TSHZ2: variants seen among roughly 807,000 people sequenced by gnomAD.
TSHZ2 encodes the protein teashirt homolog 2.
A neutral mutation model predicts 74.4 loss-of-function variants in TSHZ2; 21 were observed. The ratio of observed to expected loss-of-function variants is 0.28; its 90% CI spans 0.20 to 0.41. TSHZ2 has a LOEUF of 0.41. TSHZ2 is among the 10% of genes least tolerant of loss of function. TSHZ2 has a pLI of 1.00. For missense variants in TSHZ2, 1,244 were observed against 1,293.5 expected (o/e 0.96, Z 0.59); for synonymous variants, 540 against 515.3 (o/e 1.05, Z -0.65).
At chr20:53,141,673 T>C (rs1345064425) in intron 1 of TSHZ2, among the ~76,000 whole-genome samples, 1 of 152,186 alleles carries the variant, frequency 6.6e-6, no homozygotes, top group Non-Finnish European at 1.5e-5. Flanking sequence ...TTTGTCACCT[T>C]TCCTGCACCT....
intron 1 of TSHZ2, among the ~76,000 whole-genome samples, chr20:53,036,614 T>C (rs1600658681): frequency 6.7e-6 from 1 of 148,768 alleles, no homozygotes; most frequent in African/African-American, 2.4e-5. Flanking sequence ...TCATATATAA[T>C]ATAGAGAGGT....
intron 1 of TSHZ2, among the ~76,000 whole-genome samples, chr20:53,223,472 G>A (rs1421015604): frequency 6.6e-6 from 1 of 152,090 alleles, no homozygotes; most frequent in East Asian, 1.9e-4. Flanking sequence ...GCTCTCTGTA[G>A]CCTAGAGCTC....
rs185640293 is a variant in TSHZ2 at position 53,284,310 on chromosome 20, A to G, written c.*8+27739A>G. Among the ~76,000 whole-genome samples, 7 of 152,338 alleles carry G rather than the reference A, an allele frequency of 4.6e-5. No homozygotes were observed. In the East Asian group the frequency reaches 1.2e-3, roughly 25 times the overall value. On this transcript the variant is annotated intron_variant, in intron 2 of 2. Coordinates refer to ENST00000371497, the MANE Select transcript of TSHZ2 (RefSeq NM_173485.6). ...TTCGGCTGTCTGTTCGTGCATAGTTAATATTAAAAATGTACTAACAGTGTG... is the reference window on the plus strand; with the variant it reads ...TTCGGCTGTCTGTTCGTGCATAGTTGATATTAAAAATGTACTAACAGTGTG...
chr20:53,418,279 A>G (rs1213917939), intron 2 of TSHZ2, among the ~76,000 whole-genome samples: 5 of 152,198 alleles, frequency 3.3e-5, no homozygotes, highest in Non-Finnish European at 5.9e-5. Flanking sequence ...TGGGAAGGAA[A>G]GAAGCCTCTA....
intron 2 of TSHZ2, among the ~76,000 whole-genome samples, chr20:53,467,328 G>T (rs1985592633): frequency 6.6e-6 from 1 of 152,126 alleles, no homozygotes; most frequent in Non-Finnish European, 1.5e-5. Flanking sequence ...TAAATTTCCA[G>T]AAGGAAAGAG....
intron 1 of TSHZ2, among the ~76,000 whole-genome samples, chr20:53,005,259 G>A (rs1328556341): frequency 6.6e-6 from 1 of 152,098 alleles, no homozygotes; most frequent in African/African-American, 2.4e-5. Flanking sequence ...ATTGCCGTGA[G>A]CCAAGATCAC....
intron 1 of TSHZ2, among the ~76,000 whole-genome samples, chr20:53,097,136 A>G (rs1420511360): frequency 6.6e-6 from 1 of 152,052 alleles, no homozygotes; most frequent in Non-Finnish European, 1.5e-5. Flanking sequence ...ATATTGCCAA[A>G]CATCCCCTGG....
chr20:53,206,648 T>C (rs1296404139), intron 1 of TSHZ2: 1 of 152,184 alleles, frequency 6.6e-6, no homozygotes, highest in Admixed American at 6.5e-5. Context: ...ACTCCACGGG[T>C]AGTGGCAGTT....
At chr20:53,185,360 A>C in intron 1 of TSHZ2, 1 of 1,169,080 alleles carries the variant, frequency 8.6e-7, no homozygotes, top group Non-Finnish European at 1.1e-6. Context: ...TTTGCTCCAA[A>C]ATTGGTGATA....
chr20:53,080,153 C>A (rs1985487013), intron 1 of TSHZ2, among the ~76,000 whole-genome samples: 1 of 152,086 alleles, frequency 6.6e-6, no homozygotes, highest in African/African-American at 2.4e-5. Flanking sequence ...GCATAGAGAG[C>A]CTTATGTATG....
intron 1 of TSHZ2, among the ~76,000 whole-genome samples, chr20:53,003,824 C>T (rs952974384): frequency 2.0e-5 from 3 of 152,116 alleles, no homozygotes; most frequent in Non-Finnish European, 4.4e-5. Context: ...GATGTGCTGT[C>T]CATAGCAAAA....
At chr20:53,035,928 A>G (rs1568729738) in intron 1 of TSHZ2, among the ~76,000 whole-genome samples, 1 of 152,244 alleles carries the variant, frequency 6.6e-6, no homozygotes, top group South Asian at 2.1e-4. Flanking sequence ...TTTTTTATAC[A>G]TATTTGTTAG....
At chr20:53,182,008 G>C (rs1988480891) in intron 1 of TSHZ2, among the ~76,000 whole-genome samples, 3 of 152,126 alleles carry the variant, frequency 2.0e-5, no homozygotes, top group Admixed American at 2.0e-4. Flanking sequence ...TTTATTTGAT[G>C]ATCTTAGGAT....
At chr20:53,274,955 T>C (rs1990913547) in intron 2 of TSHZ2, among the ~76,000 whole-genome samples, 1 of 152,184 alleles carries the variant, frequency 6.6e-6, no homozygotes, top group Non-Finnish European at 1.5e-5. Flanking sequence ...ATAAGCTCTT[T>C]CTGGTCTTAC....
At chr20:53,030,247 C>T (rs942336895) in intron 1 of TSHZ2, among the ~76,000 whole-genome samples, 1 of 152,054 alleles carries the variant, frequency 6.6e-6, no homozygotes, top group Non-Finnish European at 1.5e-5. Flanking sequence ...CTGCCTCTTC[C>T]CTCCCACCTG....
At chr20:52,974,085 A>T (rs1981237487) in intron 1 of TSHZ2, among the ~76,000 whole-genome samples, 2 of 152,232 alleles carry the variant, frequency 1.3e-5, no homozygotes, top group Non-Finnish European at 2.9e-5. Flanking sequence ...CCCCTAAAAA[A>T]GATAAGAACA....
At chr20:53,145,960 A>G (rs1362680713) in intron 1 of TSHZ2, among the ~76,000 whole-genome samples, 2 of 152,172 alleles carry the variant, frequency 1.3e-5, no homozygotes, top group East Asian at 3.8e-4. Flanking sequence ...AGTTGGGGAA[A>G]ATCATGTTGG....
At chr20:53,075,816 AG>A (rs2123213462) in intron 1 of TSHZ2, among the ~76,000 whole-genome samples, 1 of 152,232 alleles carries the variant, frequency 6.6e-6, no homozygotes, top group East Asian at 1.9e-4. Context: ...GGTGGGAGCC[AG>A]GTTCTGCTGG....
intron 2 of TSHZ2, among the ~76,000 whole-genome samples, chr20:53,387,015 C>T (rs1982071751): frequency 6.6e-6 from 1 of 152,094 alleles, no homozygotes; most frequent in Non-Finnish European, 1.5e-5. Context: ...GGAATTAACC[C>T]TTTCTGATGT....
Sources: allele counts gnomAD v4.1 joint callset (sites outside exome capture counted in the v4.1 genomes callset), GRCh38; gene constraint gnomAD v4.1.1; transcripts MANE v1.5; gene names NCBI Gene and HGNC (gene_info 2026-07-23, HGNC 2026-07-21).